The following LOC128462377 variants were observed in gnomAD, a reference collection of about 807,000 sequenced individuals.
the LOC128462377 span, among the ~76,000 whole-genome samples, chr16:89,319,601 G>A: frequency 3.3e-5 from 5 of 152,282 alleles, no homozygotes; most frequent in Admixed American, 6.5e-5. Flanking sequence ...CGATGTGCTC[G>A]AGGCCCTGCA....
the LOC128462377 span, among the ~76,000 whole-genome samples, chr16:89,356,181 T>C: frequency 1.3e-5 from 2 of 152,248 alleles, no homozygotes; most frequent in Non-Finnish European, 2.9e-5. Context: ...TTTCTGATCA[T>C]CTTTGTTTAT....
At chr16:89,371,297 A>C in the LOC128462377 span, among the ~76,000 whole-genome samples, 1 of 152,366 alleles carries the variant, frequency 6.6e-6, no homozygotes, top group African/African-American at 2.4e-5. Context: ...CAATTCTCAC[A>C]GAACAGAAAC....
the LOC128462377 span, among the ~76,000 whole-genome samples, chr16:89,397,704 C>A: frequency 6.6e-6 from 1 of 152,246 alleles, no homozygotes; most frequent in Non-Finnish European, 1.5e-5. Context: ...TGACCCGGTA[C>A]TGCTCTTGGA....
the LOC128462377 span, among the ~76,000 whole-genome samples, chr16:89,342,533 C>T: frequency 6.6e-6 from 1 of 152,230 alleles, no homozygotes; most frequent in African/African-American, 2.4e-5. Context: ...GCCTGCGTGG[C>T]TCTCTCCTAG....
chr16:89,337,429 CTTTTTTTTTTTT>C, the LOC128462377 span, among the ~76,000 whole-genome samples: 19 of 53,136 alleles, frequency 3.6e-4, no homozygotes, highest in South Asian at 1.2e-3. Context: ...CTAAGCAATT[CTTTTTTTTTTTT>C]TTTTTTTTTT....
the LOC128462377 span, among the ~76,000 whole-genome samples, chr16:89,399,943 G>A: frequency 1.3e-4 from 20 of 152,264 alleles, no homozygotes; most frequent in South Asian, 2.1e-4. Flanking sequence ...AGAGTAAGCC[G>A]AGTGACACAA....
chr16:89,386,768 G>A, the LOC128462377 span, among the ~76,000 whole-genome samples: 1 of 152,184 alleles, frequency 6.6e-6, no homozygotes, highest in Non-Finnish European at 1.5e-5. Flanking sequence ...AAATAGCACT[G>A]TAGAATCCTT....
the LOC128462377 span, among the ~76,000 whole-genome samples, chr16:89,366,194 G>C: frequency 1.3e-5 from 2 of 151,452 alleles, no homozygotes; most frequent in Non-Finnish European, 2.9e-5. Context: ...GTATTCCACG[G>C]TGTATATGCA....
chr16:89,417,571 G>A, the LOC128462377 span, among the ~76,000 whole-genome samples: 1 of 152,108 alleles, frequency 6.6e-6, no homozygotes, highest in Non-Finnish European at 1.5e-5. Flanking sequence ...AGTCAGGGCT[G>A]GCGAACCAGG....
chr16:89,326,875 ATC>A, the LOC128462377 span, among the ~76,000 whole-genome samples: 2 of 152,240 alleles, frequency 1.3e-5, no homozygotes, highest in East Asian at 1.9e-4. Flanking sequence ...TGCTGGTGGC[ATC>A]CGGGCACATC....
chr16:89,374,644 G>A, the LOC128462377 span, among the ~76,000 whole-genome samples: 2 of 152,192 alleles, frequency 1.3e-5, no homozygotes, highest in East Asian at 1.9e-4. Context: ...CATCTCCCGC[G>A]TGCTACGATC....
the LOC128462377 span, among the ~76,000 whole-genome samples, chr16:89,347,434 C>T: frequency 1.3e-5 from 2 of 151,948 alleles, no homozygotes; most frequent in Non-Finnish European, 2.9e-5. Flanking sequence ...ACGGTGAAAC[C>T]CCGTCTCTAC....
the LOC128462377 span, among the ~76,000 whole-genome samples, chr16:89,401,081 C>G: frequency 1.1e-4 from 17 of 150,946 alleles, no homozygotes; most frequent in East Asian, 3.2e-3. Context: ...TTATATATTT[C>G]TCTCTCCCCC....
At chr16:89,405,408 C>T in the LOC128462377 span, among the ~76,000 whole-genome samples, 765 of 151,708 alleles carry the variant, frequency 5.0e-3, 4 homozygotes, top group African/African-American at 0.018. Context: ...ACCGTAGCCT[C>T]GACCTCCTGG....
At chr16:89,407,510 G>A in the LOC128462377 span, among the ~76,000 whole-genome samples, 2 of 152,066 alleles carry the variant, frequency 1.3e-5, no homozygotes, top group East Asian at 1.9e-4. Context: ...CACGACAGCC[G>A]CACACACCTA....
At chr16:89,407,889 T>A in the LOC128462377 span, among the ~76,000 whole-genome samples, 3 of 148,994 alleles carry the variant, frequency 2.0e-5, no homozygotes, top group African/African-American at 7.4e-5. Context: ...AGAAGAAATA[T>A]TAACTCCTTT....
chr16:89,384,798 G>A, the LOC128462377 span, among the ~76,000 whole-genome samples: 1 of 149,932 alleles, frequency 6.7e-6, no homozygotes, highest in East Asian at 2.0e-4. Context: ...CCACTAGACA[G>A]CCCAACAACA....
At chr16:89,406,456 G>A in the LOC128462377 span, among the ~76,000 whole-genome samples, 16 of 152,306 alleles carry the variant, frequency 1.1e-4, no homozygotes, top group South Asian at 1.2e-3. Flanking sequence ...TGAGAAGGCC[G>A]CACGGGCAAA....
the LOC128462377 span, chr16:89,324,187 CAG>C: frequency 8.6e-7 from 1 of 1,167,920 alleles, no homozygotes; most frequent in Non-Finnish European, 1.1e-6. Context: ...CGGGGGGTGG[CAG>C]CACCGAGAGC....
Sources: allele counts gnomAD v4.1 joint callset (sites outside exome capture counted in the v4.1 genomes callset), GRCh38; gene constraint gnomAD v4.1.1; transcripts MANE v1.5.